Variants in PPM1L observed in about 807,000 individuals in gnomAD.
PPM1L encodes protein phosphatase, Mg2+/Mn2+ dependent 1L.
A neutral mutation model predicts 31.4 loss-of-function variants in PPM1L; 13 were observed. The observed-to-expected ratio is 0.41, with a 90% CI of 0.27 to 0.66. The LOEUF (loss-of-function observed/expected upper bound fraction) is 0.66, where lower values mean the gene tolerates loss of function less well. Ranked by LOEUF, PPM1L falls within the 30% of genes least tolerant of loss-of-function variation. PPM1L has a pLI of 0.29. For missense variants in PPM1L, 326 were observed against 453.7 expected (o/e 0.72, Z 2.56); for synonymous variants, 184 against 175.4 (o/e 1.05, Z -0.39).
At chr3:160,970,780 A>G (rs894874205) in intron 2 of PPM1L, among the ~76,000 whole-genome samples, 1 of 132,212 alleles carries the variant, frequency 7.6e-6, no homozygotes, top group African/African-American at 3.0e-5. Flanking sequence ...TTTTAATTTC[A>G]GTTATAATTT....
chr3:161,011,449 G>A (rs544443483), intron 2 of PPM1L, among the ~76,000 whole-genome samples: 30 of 152,220 alleles, frequency 2.0e-4, no homozygotes, highest in African/African-American at 5.5e-4. Flanking sequence ...GTCAGGTAGC[G>A]TGATGCCTCC....
At chr3:160,864,166 CTGTT>C (rs893957281) in intron 1 of PPM1L, among the ~76,000 whole-genome samples, 4 of 152,028 alleles carry the variant, frequency 2.6e-5, no homozygotes, top group Admixed American at 2.6e-4. Context: ...CCTTGTCTGT[CTGTT>C]TTTCTTTTAT....
chr3:161,078,577 C>T lies in PPM1L; in HGVS notation c.*9420C>T, dbSNP rs1277685268. 1.3e-5 allele frequency: 2 copies of T among 152,194 alleles called. No homozygotes were observed. The highest frequency in any genetic ancestry group is 4.8e-5 in the African/African-American group (2 of 41,436). 9.4% of individuals were successfully genotyped at this position (152,194 alleles called of 1,614,324 possible). A position where few individuals can be genotyped will look rare whatever the true frequency, so the allele number is the denominator to read the frequency against. On this transcript the variant is annotated 3_prime_UTR_variant, in exon 4 of 4. Coordinates refer to ENST00000498165, the MANE Select transcript of PPM1L (RefSeq NM_139245.4). ...ATAAATACAACAAGGCTTGGCGAAA[C>T]CTCATTACTCTTGGAAGTCTTCAGA... is the stretch of plus-strand genomic sequence containing the variant.
At chr3:160,843,867 A>G (rs1228413757) in intron 1 of PPM1L, among the ~76,000 whole-genome samples, 1 of 152,166 alleles carries the variant, frequency 6.6e-6, no homozygotes, top group Non-Finnish European at 1.5e-5. Flanking sequence ...AATAGCAAAG[A>G]CTTGGAACTA....
intron 2 of PPM1L, among the ~76,000 whole-genome samples, chr3:160,983,273 T>G (rs1032015872): frequency 2.0e-5 from 3 of 152,194 alleles, no homozygotes; most frequent in Admixed American, 6.5e-5. Context: ...TGTATTAAAT[T>G]TTTCTTTTTG....
At chr3:161,015,420 A>G (rs1559925490) in intron 2 of PPM1L, among the ~76,000 whole-genome samples, 1 of 152,232 alleles carries the variant, frequency 6.6e-6, no homozygotes, top group Admixed American at 6.5e-5. Context: ...TCCAGCAGCT[A>G]TATTTTGTTA....
At chr3:160,915,086 G>C (rs1048657075) in intron 1 of PPM1L, among the ~76,000 whole-genome samples, 4 of 152,074 alleles carry the variant, frequency 2.6e-5, no homozygotes, top group African/African-American at 9.7e-5. Flanking sequence ...GGAAATAAAG[G>C]GTATTCAATT....
intron 1 of PPM1L, among the ~76,000 whole-genome samples, chr3:160,775,843 A>G (rs992179180): frequency 1.3e-5 from 2 of 152,252 alleles, no homozygotes. Context: ...AAAATTAAAC[A>G]TAGTATTTAG....
At chr3:160,836,744 G>A (rs756769909) in intron 1 of PPM1L, among the ~76,000 whole-genome samples, 2 of 152,120 alleles carry the variant, frequency 1.3e-5, no homozygotes, top group Non-Finnish European at 2.9e-5. Context: ...AGTCAATCAA[G>A]CACTCTTGGT....
chr3:160,809,296 A>G (rs1184053497), intron 1 of PPM1L, among the ~76,000 whole-genome samples: 6 of 152,172 alleles, frequency 3.9e-5, no homozygotes, highest in Non-Finnish European at 8.8e-5. Flanking sequence ...GAAATTGATT[A>G]TATTTGGCAT....
intron 2 of PPM1L, among the ~76,000 whole-genome samples, chr3:161,010,077 A>G (rs927926681): frequency 6.6e-6 from 1 of 152,160 alleles, no homozygotes; most frequent in East Asian, 1.9e-4. Context: ...ACATGTATAC[A>G]TGCACCATGT....
In PPM1L at chr3:161,070,793, T is replaced by G. The variant is rs1719888136; in HGVS notation, c.*1636T>G. 1 of 152,158 alleles carries G rather than the reference T, an allele frequency of 6.6e-6. No individual in the cohort carries two copies. The highest frequency in any genetic ancestry group is 2.4e-5 in the African/African-American group (1 of 41,428). 9.4% of individuals were successfully genotyped at this position (152,158 alleles called of 1,614,324 possible). A position where few individuals can be genotyped will look rare whatever the true frequency, so the allele number is the denominator to read the frequency against. ...CTCCCCTCCTGCTGCTGTAGAGTTT[T>G]CCCAAAGCAGTGTCCAGGAGAGAAT... On this transcript the variant is annotated 3_prime_UTR_variant, in exon 4 of 4. Transcript: ENST00000498165.
chr3:160,905,762 A>G (rs1351008739), intron 1 of PPM1L, among the ~76,000 whole-genome samples: 3 of 152,138 alleles, frequency 2.0e-5, no homozygotes, highest in African/African-American at 7.2e-5. Context: ...AGTTTAACAC[A>G]GTTTTCTGTT....
rs763093443 is a variant in PPM1L, at chr3:160,959,234, G to A, written c.400-2502G>A. 1.6e-4 allele frequency among the ~76,000 whole-genome samples: 24 copies of A among 151,536 alleles called. 1 individual carries two copies. Among genetic ancestry groups the A allele is most frequent in the East Asian group, 3.9e-4 (2 of 5,098 alleles). ...ATATCATAAATTCTCACTTATAAGCGAGAGCTAAGCTATGAGGATGCAAAG... is the reference window on the plus strand; with the variant it reads ...ATATCATAAATTCTCACTTATAAGCAAGAGCTAAGCTATGAGGATGCAAAG... On this transcript the variant is annotated intron_variant, in intron 1 of 3. Transcript: ENST00000498165.
Position 161,008,522 on chromosome 3 carries a change from A to G in PPM1L, c.574+46612A>G, listed in dbSNP as rs573678721. 1.3e-4 allele frequency among the ~76,000 whole-genome samples: 20 copies of G among 152,318 alleles called. No homozygotes were observed. In the South Asian group the frequency reaches 3.9e-3, roughly 30 times the overall value. The stretch of plus-strand genomic sequence containing the variant: ...AGGACATTTATGTGCCTTTTCTCCT[A>G]TTAATCTGCCTTTTGTCTGCTGGTT... On this transcript the variant is annotated intron_variant, in intron 2 of 3. Transcript: ENST00000498165.
chr3:160,791,276 A>T (rs1712098109), intron 1 of PPM1L, among the ~76,000 whole-genome samples: 1 of 152,166 alleles, frequency 6.6e-6, no homozygotes, highest in South Asian at 2.1e-4. Context: ...ATGCAAAATC[A>T]TGTCACTTTT....
At chr3:161,015,280 C>T (rs1718048797) in intron 2 of PPM1L, among the ~76,000 whole-genome samples, 1 of 152,156 alleles carries the variant, frequency 6.6e-6, no homozygotes, top group Non-Finnish European at 1.5e-5. Flanking sequence ...TAGCAGTAGA[C>T]TGAAACATGA....
chr3:160,757,911 G>A (rs562643688), intron 1 of PPM1L, among the ~76,000 whole-genome samples: 1 of 152,108 alleles, frequency 6.6e-6, no homozygotes, highest in Non-Finnish European at 1.5e-5. Flanking sequence ...TTTGGCCTTT[G>A]TTTTGGGTAA....
intron 2 of PPM1L, among the ~76,000 whole-genome samples, chr3:160,988,138 C>T (rs1372935822): frequency 2.6e-5 from 4 of 152,282 alleles, no homozygotes; most frequent in South Asian, 2.1e-4. Flanking sequence ...ATAGGGCAGA[C>T]GCCATGAGGT....
Sources: allele counts gnomAD v4.1 joint callset (sites outside exome capture counted in the v4.1 genomes callset), GRCh38; gene constraint gnomAD v4.1.1; transcripts MANE v1.5; gene names NCBI Gene and HGNC (gene_info 2026-07-23, HGNC 2026-07-21).